The following KAT6B variants were observed in gnomAD, a reference collection of about 807,000 sequenced individuals.
The protein encoded by KAT6B is histone acetyltransferase KAT6B.
A neutral mutation model predicts 187.5 loss-of-function variants in KAT6B; 10 were observed. The observed-to-expected ratio is 0.05, with a 90% CI of 0.03 to 0.09. KAT6B has a LOEUF of 0.09. KAT6B is among the 10% of genes least tolerant of loss of function. KAT6B has a pLI of 1.00. For missense variants in KAT6B, 1,952 were observed against 2,558.9 expected (o/e 0.76, Z 5.12); for synonymous variants, 861 against 926.8 (o/e 0.93, Z 1.29).
chr10:74,896,282 G>T (rs1470344220), intron 3 of KAT6B, among the ~76,000 whole-genome samples: 1 of 151,904 alleles, frequency 6.6e-6, no homozygotes, highest in Non-Finnish European at 1.5e-5. Context: ...GTGTACTTTA[G>T]TTTTTTATTT....
intron 3 of KAT6B, among the ~76,000 whole-genome samples, chr10:74,921,923 C>G (rs1564565557): frequency 6.6e-6 from 1 of 152,230 alleles, no homozygotes; most frequent in Non-Finnish European, 1.5e-5. Flanking sequence ...CCCATGGCCA[C>G]AGACCCTGAC....
intron 3 of KAT6B, among the ~76,000 whole-genome samples, chr10:74,916,143 T>A (rs1847663172): frequency 6.6e-6 from 1 of 152,124 alleles, no homozygotes; most frequent in African/African-American, 2.4e-5. Flanking sequence ...GCCTGGGCGA[T>A]AGAGCAAGAC....
intron 3 of KAT6B, among the ~76,000 whole-genome samples, chr10:74,866,775 A>G (rs1843583340): frequency 1.3e-5 from 2 of 152,216 alleles, no homozygotes; most frequent in South Asian, 2.1e-4. Context: ...GTTAAACACA[A>G]TATTAGCACC....
rs1185921492 is a variant in KAT6B, at chr10:75,031,164, G to A, written c.*118G>A. ...TGGTGTGAATGCAAAAACATTTGTT[G>A]GCACCATTTATTTAAAAAAAAAAAA... On this transcript the variant is annotated 3_prime_UTR_variant, in exon 18 of 18. Coordinates refer to ENST00000287239, the MANE Select transcript of KAT6B (RefSeq NM_012330.4). The A allele has an allele frequency of 8.5e-7, 1 of 1,170,192 alleles. No homozygotes were observed. Among genetic ancestry groups the A allele is most frequent in the African/African-American group, 1.7e-5 (1 of 58,594 alleles). 72.5% of individuals were successfully genotyped at this position (1,170,192 alleles called of 1,614,324 possible).
chr10:74,954,831 T>C (rs74832444), intron 3 of KAT6B, among the ~76,000 whole-genome samples: 4,685 of 152,338 alleles, frequency 0.031, 198 homozygotes, highest in East Asian at 0.17. Context: ...GTTTAATTTG[T>C]TGAAGAAACT....
intron 3 of KAT6B, among the ~76,000 whole-genome samples, chr10:74,858,950 A>G (rs1313825626): frequency 6.6e-6 from 1 of 150,438 alleles, no homozygotes; most frequent in Non-Finnish European, 1.5e-5. Context: ...GCAAGACTCC[A>G]TCTCTGGAAC....
chr10:74,957,058 C>A (rs1476343859), intron 3 of KAT6B, among the ~76,000 whole-genome samples: 2 of 152,124 alleles, frequency 1.3e-5, no homozygotes, highest in Non-Finnish European at 2.9e-5. Flanking sequence ...TTACTCAGAC[C>A]TTTTTCTGAC....
intron 3 of KAT6B, among the ~76,000 whole-genome samples, chr10:74,948,124 A>G (rs1208266503): frequency 6.6e-6 from 1 of 152,234 alleles, no homozygotes; most frequent in Non-Finnish European, 1.5e-5. Flanking sequence ...TGAAAGGGTC[A>G]GAGGTAGTCT....
At chr10:74,962,668 C>T (rs1841183541) in intron 4 of KAT6B, among the ~76,000 whole-genome samples, 1 of 152,146 alleles carries the variant, frequency 6.6e-6, no homozygotes, top group Non-Finnish European at 1.5e-5. Context: ...GCTTTTCAGT[C>T]GTCCCTATCT....
intron 3 of KAT6B, among the ~76,000 whole-genome samples, chr10:74,878,981 A>G (rs1327756003): frequency 1.3e-5 from 2 of 152,142 alleles, no homozygotes; most frequent in African/African-American, 4.8e-5. Flanking sequence ...AACAGCGGAA[A>G]CGTCTTCCTT....
intron 1 of KAT6B, among the ~76,000 whole-genome samples, chr10:74,828,457 GT>G (rs11350370): frequency 0.87 from 127,269 of 147,116 alleles, 56,131 homozygotes; most frequent in Non-Finnish European, 0.95. Context: ...GGTTTTTTGT[GT>G]TTTTTTTTTT....
intron 3 of KAT6B, among the ~76,000 whole-genome samples, chr10:74,898,976 C>T (rs982465358): frequency 2.1e-5 from 3 of 142,260 alleles, no homozygotes; most frequent in African/African-American, 8.5e-5. Context: ...CATGGTGAAA[C>T]CCCCGTCTGT....
intron 3 of KAT6B, among the ~76,000 whole-genome samples, chr10:74,919,230 C>CTATA (rs931756845): frequency 1.3e-5 from 2 of 151,494 alleles, no homozygotes; most frequent in African/African-American, 4.8e-5. Context: ...ATCTATCTAT[C>CTATA]TATATATATA....
At chr10:74,955,383 T>TTCCCC (rs1840601518) in intron 3 of KAT6B, among the ~76,000 whole-genome samples, 3 of 101,400 alleles carry the variant, frequency 3.0e-5, no homozygotes, top group African/African-American at 7.7e-5. Context: ...CACAATTTTA[T>TTCCCC]CCCCCCCCCC....
At chr10:74,907,180 C>G (rs1403409994) in intron 3 of KAT6B, among the ~76,000 whole-genome samples, 1 of 152,242 alleles carries the variant, frequency 6.6e-6, no homozygotes, top group African/African-American at 2.4e-5. Flanking sequence ...ATTCCTTTCA[C>G]TACAGAGAGT....
chr10:74,830,571 A>G (rs776265916), intron 1 of KAT6B, among the ~76,000 whole-genome samples: 4 of 150,874 alleles, frequency 2.7e-5, no homozygotes, highest in Non-Finnish European at 5.9e-5. Context: ...CTAAGTACCA[A>G]ACTCTTCTAA....
rs1844790468 is a variant in KAT6B, at chr10:75,013,884, C to T, written c.2630-6698C>T. Reference sequence around the variant, plus strand: ...ATTCTGGGTAGTCTGGCTCCAGAGCCCATGCTTTCCACCCACCCATAGAGC... The same window carrying T: ...ATTCTGGGTAGTCTGGCTCCAGAGCTCATGCTTTCCACCCACCCATAGAGC... On this transcript the variant is annotated intron_variant, in intron 13 of 17. Coordinates refer to ENST00000287239, the MANE Select transcript of KAT6B (RefSeq NM_012330.4). 2.0e-5 allele frequency among the ~76,000 whole-genome samples: 3 copies of T among 152,232 alleles called. No homozygotes were observed. In the South Asian group the frequency reaches 6.2e-4, roughly 32 times the overall value.
intron 3 of KAT6B, among the ~76,000 whole-genome samples, chr10:74,889,655 A>G (rs1414391002): frequency 1.3e-5 from 2 of 152,242 alleles, no homozygotes; most frequent in Non-Finnish European, 2.9e-5. Flanking sequence ...GCCTTATCCA[A>G]TGTCATTGAA....
chr10:74,890,545 A>G (rs1277434373), intron 3 of KAT6B, among the ~76,000 whole-genome samples: 1 of 152,122 alleles, frequency 6.6e-6, no homozygotes, highest in Non-Finnish European at 1.5e-5. Context: ...CCGTCTCAAA[A>G]CAAACAAACA....
Sources: allele counts gnomAD v4.1 joint callset (sites outside exome capture counted in the v4.1 genomes callset), GRCh38; gene constraint gnomAD v4.1.1; transcripts MANE v1.5; gene names NCBI Gene and HGNC (gene_info 2026-07-23, HGNC 2026-07-21).